PHF13: variants seen among roughly 807,000 people sequenced by gnomAD.
PHF13 encodes the protein PHD finger protein 13.
Under a neutral mutation model 25.8 loss-of-function variants are expected in PHF13, and 1 was observed. The observed-to-expected ratio is 0.04, with a 90% confidence interval of 0.01 to 0.18. The LOEUF (loss-of-function observed/expected upper bound fraction) is 0.18, where lower values mean the gene tolerates loss of function less well. Ranked by LOEUF, PHF13 falls within the 10% of genes least tolerant of loss-of-function variation. The pLI, the probability that PHF13 is intolerant of heterozygous loss-of-function variation, is 1.00. For synonymous variants in PHF13, 195 were observed against 162.4 expected, an observed-to-expected ratio of 1.20 and a Z score of -1.53; for missense variants, 306 against 403.2, an observed-to-expected ratio of 0.76 and a Z score of 2.06.
At chr1:6,620,811 A>G (rs1051107556) in intron 3 of PHF13, among the ~76,000 whole-genome samples, 6 of 151,924 alleles carry the variant, frequency 3.9e-5, no homozygotes, top group African/African-American at 1.5e-4. Flanking sequence ...CGAGGTCAGG[A>G]GTTCGAGACC....
In PHF13 at chr1:6,620,236, T is replaced by G; in HGVS notation, c.575T>G (p.Ile192Arg). The stretch of plus-strand genomic sequence containing the variant: ...GTGTCACCTGATCAGGTCAAAGAAA[T>G]AAAAACTGAAGGCAAACGGACTATC... Reference protein sequence around the residue: ...ATVSPDQVKEIKTEGKRTIVR... With the variant: ...ATVSPDQVKERKTEGKRTIVR... The change falls in exon 3 of 4, where the codon ATA becomes AGA. Residue 192 changes from isoleucine (I) to arginine (R), a missense_variant. Physicochemically the swap from Ile to Arg is moderately conservative, Grantham distance 97. Coordinates refer to ENST00000377648, the MANE Select transcript of PHF13 (RefSeq NM_153812.3). The G allele has an allele frequency of 6.2e-7, 1 of 1,613,710 alleles. No individual in the cohort carries two copies. The highest frequency in any genetic ancestry group is 1.3e-5 in the African/African-American group (1 of 74,906).
intron 1 of PHF13, 77 bp downstream of exon 1, chr1:6,614,182 CG>C: frequency 6.9e-7 from 1 of 1,440,840 alleles, no homozygotes. Context: ...GCCAGACCCC[CG>C]GTCGCCCGGA....
At position 6,614,004 on chromosome 1, in the gene PHF13, C is replaced by A. The variant is rs529758916; in HGVS notation, c.-63C>A. ...AGCCGCCCGAGCCCCCAGCCCCGGG[C>A]GGCCCCGCTCCAGCATCCCAGCTCC... On this transcript the variant is annotated 5_prime_UTR_variant, in exon 1 of 4. Transcript: ENST00000377648. 8.2e-6 allele frequency: 11 copies of A among 1,346,196 alleles called. No homozygotes were observed. Among genetic ancestry groups the A allele is most frequent in the Non-Finnish European group, 1.0e-5 (10 of 969,450 alleles). 83.4% of individuals were successfully genotyped at this position (1,346,196 alleles called of 1,614,324 possible).
chr1:6,622,763 G>A lies in PHF13; in HGVS notation c.*1126G>A, dbSNP rs895074944. 1 of 152,182 alleles carries A rather than the reference G, an allele frequency of 6.6e-6. No individual in the cohort carries two copies. Among genetic ancestry groups the A allele is most frequent in the African/African-American group, 2.4e-5 (1 of 41,432 alleles). 9.4% of individuals were successfully genotyped at this position (152,182 alleles called of 1,614,324 possible). A position where few individuals can be genotyped will look rare whatever the true frequency, so the allele number is the denominator to read the frequency against. ...CAGGATGACCCCTTGGAACTGTGCC[G>A]AGTTCCTTAAATCTCAGCTGGGATC... On this transcript the variant is annotated 3_prime_UTR_variant, in exon 4 of 4. Coordinates refer to ENST00000377648, the MANE Select transcript of PHF13 (RefSeq NM_153812.3).
At chr1:6,617,031 C>A (rs1040886953) in intron 2 of PHF13, among the ~76,000 whole-genome samples, 173 bp downstream of exon 2, 1 of 152,228 alleles carries the variant, frequency 6.6e-6, no homozygotes, top group Non-Finnish European at 1.5e-5. Flanking sequence ...TTTGAATTAG[C>A]TGGGGAAATG....
chr1:6,614,242 G>A lies in PHF13; in HGVS notation c.39+137G>A, dbSNP rs187815498. 4,518 of 658,044 alleles carry A rather than the reference G, an allele frequency of 6.9e-3. 180 individuals are homozygous for A. In the African/African-American group the frequency reaches 0.081, roughly 12 times the overall value. 40.8% of individuals were successfully genotyped at this position (658,044 alleles called of 1,614,324 possible). Reference sequence around the variant, plus strand: ...TTTCCCCTCGTCGGCCCCCCCGGGAGCCCAACCCCCGCCCCCTGCTCGGGC... The same window carrying A: ...TTTCCCCTCGTCGGCCCCCCCGGGAACCCAACCCCCGCCCCCTGCTCGGGC... On this transcript the variant is annotated intron_variant, in intron 1 of 3. Coordinates refer to ENST00000377648, the MANE Select transcript of PHF13 (RefSeq NM_153812.3).
At chr1:6,615,338 G>A (rs1310680061) in intron 1 of PHF13, among the ~76,000 whole-genome samples, 4 of 152,218 alleles carry the variant, frequency 2.6e-5, no homozygotes, top group African/African-American at 9.6e-5. Context: ...CCCGTGGCTG[G>A]GCAGGCTCGC....
Position 6,616,767 on chromosome 1 carries a change from C to G in PHF13, c.50C>G (p.Pro17Arg), listed in dbSNP as rs748551989. 6.2e-7 allele frequency: 1 copy of G among 1,613,966 alleles called. No individual in the cohort carries two copies. Among genetic ancestry groups the G allele is most frequent in the South Asian group, 1.1e-5 (1 of 91,088 alleles). The part of the protein sequence containing the change: ...AAAFHPEEYS[P>R]SCKRRRTVED... Reference sequence around the variant, plus strand: ...CTCTCCCCTTAATAGGAATACTCCCCCAGTTGCAAGAGGCGCAGGACCGTG... The same window carrying G: ...CTCTCCCCTTAATAGGAATACTCCCGCAGTTGCAAGAGGCGCAGGACCGTG... Residue 17 changes from proline (P) to arginine (R), a missense_variant, in exon 2 of 4, where the codon CCC becomes CGC. This residue lies in a region of PHF13 where 31 missense variants were observed against 23.9 expected (regional missense o/e 1.30). Transcript: ENST00000377648.
chr1:6,620,236 T>C lies in PHF13; in HGVS notation c.575T>C (p.Ile192Thr), dbSNP rs1234528206. ...GTGTCACCTGATCAGGTCAAAGAAA[T>C]AAAAACTGAAGGCAAACGGACTATC... is the stretch of plus-strand genomic sequence containing the variant. ...ATVSPDQVKE[I>T]KTEGKRTIVR... Residue 192 changes from isoleucine to threonine, a missense_variant, in exon 3 of 4, where the codon ATA (isoleucine) becomes ACA (threonine). Ile to Thr is a moderately conservative substitution (Grantham distance 89). Transcript: ENST00000377648. 1.2e-6 allele frequency: 2 copies of C among 1,613,710 alleles called. No individual in the cohort carries two copies. Among genetic ancestry groups the C allele is most frequent in the South Asian group, 1.1e-5 (1 of 91,072 alleles).
chr1:6,623,003 G>A lies in PHF13; in HGVS notation c.*1366G>A, dbSNP rs1641363974. ...AAAACATTTTCTAATTGATTGGTAG[G>A]TTTTCATAAGCATTGTTTCTTTAAG... On this transcript the variant is annotated 3_prime_UTR_variant, in exon 4 of 4. Coordinates refer to ENST00000377648, the MANE Select transcript of PHF13 (RefSeq NM_153812.3). 6.6e-6 allele frequency: 1 copy of A among 152,258 alleles called. No individual in the cohort carries two copies. Among genetic ancestry groups the A allele is most frequent in the Non-Finnish European group, 1.5e-5 (1 of 68,048 alleles). The allele number at this position is 152,258 out of a possible 1,614,324, so 9.4% of individuals were successfully genotyped here.
intron 1 of PHF13, 36 bp downstream of exon 1, chr1:6,614,141 A>G (rs754793418): frequency 2.3e-6 from 3 of 1,290,612 alleles, no homozygotes; most frequent in Admixed American, 4.7e-5. Flanking sequence ...GCCCCCGACC[A>G]CCCCCTCCGC....
chr1:6,619,786 C>T lies in PHF13; in HGVS notation c.142-17C>T, dbSNP rs763943103. On this transcript the variant is annotated splice_polypyrimidine_tract_variant and intron_variant, in intron 2 of 3. Transcript: ENST00000377648. ...CTTGTCACCAGTAACTGGAATCTGC[C>T]ACCTTTGTCTTTTTAGGAACTCCCT... 1.3e-6 allele frequency: 2 copies of T among 1,571,306 alleles called. No individual in the cohort carries two copies. Among genetic ancestry groups the T allele is most frequent in the East Asian group, 2.3e-5 (1 of 44,386 alleles).
intron 1 of PHF13, among the ~76,000 whole-genome samples, chr1:6,614,990 C>T (rs925918805): frequency 6.6e-6 from 1 of 150,382 alleles, no homozygotes; most frequent in South Asian, 2.1e-4. Context: ...CCTGGGACCC[C>T]GGAATCCTGC....
At chr1:6,619,734 C>T in intron 2 of PHF13, 69 bp from the exon 3 acceptor site, 1 of 1,479,976 alleles carries the variant, frequency 6.8e-7, no homozygotes, top group South Asian at 1.3e-5. Flanking sequence ...GGCTGGGTGG[C>T]TGGGGATGCT....
Position 6,621,806 on chromosome 1 carries a change from G to A in PHF13, c.*169G>A, listed in dbSNP as rs368806542. 64 of 696,784 alleles carry A rather than the reference G, an allele frequency of 9.2e-5. No homozygotes were observed. Among genetic ancestry groups the A allele is most frequent in the East Asian group, 8.7e-4 (32 of 36,736 alleles). The allele number at this position is 696,784 out of a possible 1,614,324, so 43.2% of individuals were successfully genotyped here. On this transcript the variant is annotated 3_prime_UTR_variant, in exon 4 of 4. Coordinates refer to ENST00000377648, the MANE Select transcript of PHF13 (RefSeq NM_153812.3). This position sits in a 1 kb window ranked among gnomAD's most constrained non-coding sequence, Gnocchi z 4.8. ...TCCAAGGTAGAAACTGTACATAGCC[G>A]GTGACCGAATGCGACCTTTGCCAGC...
Position 6,621,300 on chromosome 1 carries a change from G to C in PHF13, c.677-111G>C. The C allele has an allele frequency of 9.0e-7, 1 of 1,112,656 alleles. No individual in the cohort carries two copies. Among genetic ancestry groups the C allele is most frequent in the Non-Finnish European group, 1.3e-6 (1 of 757,448 alleles). The allele number at this position is 1,112,656 out of a possible 1,614,324, so 68.9% of individuals were successfully genotyped here. A position where few individuals can be genotyped will look rare whatever the true frequency, so the allele number is the denominator to read the frequency against. On this transcript the variant is annotated intron_variant, in intron 3 of 3. Coordinates refer to ENST00000377648, the MANE Select transcript of PHF13 (RefSeq NM_153812.3). The surrounding 1 kb of genome is among the most constrained non-coding windows in gnomAD (Gnocchi z 4.8). ...CAGAGAGAAGTGTCAGCTTCGAGTGGCAGTTGGAAGTGTTCTCGTCAGTAG... is the reference window on the plus strand; with the variant it reads ...CAGAGAGAAGTGTCAGCTTCGAGTGCCAGTTGGAAGTGTTCTCGTCAGTAG...
chr1:6,614,859 C>G (rs1006953984), intron 1 of PHF13, among the ~76,000 whole-genome samples: 4 of 151,502 alleles, frequency 2.6e-5, no homozygotes, highest in East Asian at 2.0e-4. Flanking sequence ...CTCCCCCCAG[C>G]CGAGGCTCGT....
chr1:6,620,484 CA>C lies in PHF13; in HGVS notation c.676+148del, dbSNP rs202188396. On this transcript the variant is annotated intron_variant, in intron 3 of 3. Coordinates refer to ENST00000377648, the MANE Select transcript of PHF13 (RefSeq NM_153812.3). ...CACTGTCCAAGGAGGAGAAAAGCTG[CA>C]GGAATGTGGATATCGAGATGTTTAG... 3.0e-3 allele frequency: 2,815 copies of C among 925,552 alleles called. 51 individuals carry two copies. The Admixed American group carries it at 0.042, about 14-fold the overall frequency. The allele number at this position is 925,552 out of a possible 1,614,324, so 57.3% of individuals were successfully genotyped here.
At chr1:6,615,655 C>T (rs951168624) in intron 1 of PHF13, among the ~76,000 whole-genome samples, 20 of 152,294 alleles carry the variant, frequency 1.3e-4, no homozygotes, top group Admixed American at 1.1e-3. Context: ...CCTCAGGGAA[C>T]GTGCCGGGCG....
Sources: gnomAD v4.1 joint callset for allele counts (sites outside exome capture counted in the v4.1 genomes callset) on GRCh38, gnomAD v4.1.1 for gene constraint, gnomAD v4.1.1 regional missense constraint, Gnocchi (gnomAD v3.1) non-coding constraint, MANE v1.5 for transcripts, NCBI Gene and HGNC (gene_info 2026-07-23, HGNC 2026-07-21) for gene names.